The following GNAI3 variants were observed in gnomAD, a reference collection of about 807,000 sequenced individuals.
The protein encoded by GNAI3 is G protein subunit alpha i3.
GNAI3 carries 12 observed loss-of-function variants against 41.8 expected under a neutral mutation model. The ratio of observed to expected loss-of-function variants is 0.29; its 90% CI spans 0.18 to 0.47. The LOEUF (loss-of-function observed/expected upper bound fraction) is 0.47, where lower values mean the gene tolerates loss of function less well. Among genes scored for constraint, GNAI3 ranks in the 20% least tolerant of loss-of-function variants. GNAI3 has a pLI of 1.00. For synonymous variants in GNAI3, 132 were observed against 146.5 expected (o/e 0.90, Z 0.71); for missense variants, 360 against 429.6 (o/e 0.84, Z 1.43).
chr1:109,557,182 C>T (rs892656726), intron 1 of GNAI3, among the ~76,000 whole-genome samples: 1 of 152,142 alleles, frequency 6.6e-6, no homozygotes, highest in Admixed American at 6.5e-5. Flanking sequence ...GTGATCTACC[C>T]GCCTCGACCT....
chr1:109,550,157 G>T (rs1647944863), intron 1 of GNAI3, among the ~76,000 whole-genome samples: 1 of 152,206 alleles, frequency 6.6e-6, no homozygotes, highest in Admixed American at 6.5e-5. Flanking sequence ...TAAAGCTCCA[G>T]AGAACAGAAT....
chr1:109,561,658 G>A (rs796471159), intron 1 of GNAI3, among the ~76,000 whole-genome samples: 1 of 152,296 alleles, frequency 6.6e-6, no homozygotes, highest in African/African-American at 2.4e-5. Context: ...TTCAAGTAGG[G>A]AAGATATGCA....
chr1:109,571,398 A>G (rs949822589), intron 1 of GNAI3, among the ~76,000 whole-genome samples: 6 of 152,360 alleles, frequency 3.9e-5, no homozygotes, highest in African/African-American at 1.4e-4. Context: ...CAAACTGTGA[A>G]TGCAAATTTC....
chr1:109,561,568 C>T (rs191464725), intron 1 of GNAI3, among the ~76,000 whole-genome samples: 2 of 152,252 alleles, frequency 1.3e-5, no homozygotes, highest in East Asian at 3.9e-4. Flanking sequence ...CATTGTTGCA[C>T]TGTTCAGTGG....
At position 109,599,060 on chromosome 1, in the gene GNAI3, T is replaced by C. The variant is rs111351338; in HGVS notation, c.*6738T>C. 2,055 of 465,824 alleles carry C rather than the reference T, an allele frequency of 4.4e-3. 13 individuals are homozygous for C. Among genetic ancestry groups the C allele is most frequent in the Non-Finnish European group, 7.9e-3 (1,681 of 213,498 alleles). 28.9% of individuals were successfully genotyped at this position (465,824 alleles called of 1,614,324 possible). ...TGGGGATGGGAAGGAATACTCTGTTTTGGACTATTTGGAGGTACATGTGAG... is the reference window on the plus strand; with the variant it reads ...TGGGGATGGGAAGGAATACTCTGTTCTGGACTATTTGGAGGTACATGTGAG... On this transcript the variant is annotated 3_prime_UTR_variant, in exon 9 of 9. Coordinates refer to ENST00000369851, the MANE Select transcript of GNAI3 (RefSeq NM_006496.4).
chr1:109,565,523 G>A (rs966200448), intron 1 of GNAI3, among the ~76,000 whole-genome samples: 3 of 152,104 alleles, frequency 2.0e-5, no homozygotes, highest in African/African-American at 4.8e-5. Flanking sequence ...GAAATCTTCC[G>A]TTTCTGTTAA....
chr1:109,573,958 G>C lies in GNAI3; in HGVS notation c.224G>C (p.Ser75Thr). 6.2e-7 allele frequency: 1 copy of C among 1,606,184 alleles called. No individual in the cohort carries two copies. The highest frequency in any genetic ancestry group is 1.1e-5 in the South Asian group (1 of 90,878). ...ECKQYKVVVY[S>T]NTIQSIIAII... is the part of the protein sequence containing the mutation. The stretch of plus-strand genomic sequence containing the variant: ...AAACAATATAAAGTAGTTGTCTACA[G>C]CAATACTATACAGTCCATCATTGCA... Residue 75 changes from serine (S) to threonine (T), a missense_variant, in exon 3 of 9, where the codon AGC becomes ACC. By Grantham distance (58) the Ser-to-Thr change is moderately conservative (BLOSUM62 1). Coordinates refer to ENST00000369851, the MANE Select transcript of GNAI3 (RefSeq NM_006496.4).
intron 1 of GNAI3, among the ~76,000 whole-genome samples, chr1:109,561,875 A>T (rs897681058): frequency 2.0e-5 from 3 of 152,196 alleles, no homozygotes; most frequent in Non-Finnish European, 2.9e-5. Context: ...AAAGTTAGAT[A>T]GGAACTCTTA....
intron 7 of GNAI3, 123 bp from the exon 8 acceptor site, chr1:109,591,920 A>G (rs1428942848): frequency 5.7e-6 from 3 of 525,336 alleles, no homozygotes; most frequent in Non-Finnish European, 1.0e-5. Flanking sequence ...ATAGAAATAG[A>G]GAATTCTACT....
chr1:109,577,528 G>A (rs1366955433), intron 3 of GNAI3, among the ~76,000 whole-genome samples: 4 of 152,064 alleles, frequency 2.6e-5, no homozygotes, highest in African/African-American at 9.7e-5. Flanking sequence ...ACCCGCCTCG[G>A]CCTCCCAAAA....
intron 4 of GNAI3, among the ~76,000 whole-genome samples, chr1:109,579,608 T>C (rs1449757697): frequency 6.6e-6 from 1 of 152,230 alleles, no homozygotes; most frequent in African/African-American, 2.4e-5. Flanking sequence ...TGGCATTTTA[T>C]TATAAGCAAG....
Position 109,599,918 on chromosome 1 carries a change from T to C in GNAI3, c.*7596T>C, listed in dbSNP as rs2101118332. 1 of 152,290 alleles carries C rather than the reference T, an allele frequency of 6.6e-6. No individual in the cohort carries two copies. The highest frequency in any genetic ancestry group is 2.4e-5 in the African/African-American group (1 of 41,548). 9.4% of individuals were successfully genotyped at this position (152,290 alleles called of 1,614,324 possible). A position where few individuals can be genotyped will look rare whatever the true frequency, so the allele number is the denominator to read the frequency against. Reference sequence around the variant, plus strand: ...GCTGGACATCATCACAGGCTTTGGATTGAGAAGACCTGTTCTGGAGTTCTA... The same window carrying C: ...GCTGGACATCATCACAGGCTTTGGACTGAGAAGACCTGTTCTGGAGTTCTA... On this transcript the variant is annotated 3_prime_UTR_variant, in exon 9 of 9. Transcript: ENST00000369851.
chr1:109,548,970 G>A (rs1223484047), intron 1 of GNAI3, 132 bp downstream of exon 1: 1 of 634,088 alleles, frequency 1.6e-6, no homozygotes, highest in Non-Finnish European at 2.8e-6. Context: ...CGTGGGGCGG[G>A]GTGTTGGGGT....
At chr1:109,564,877 C>T (rs1648409108) in intron 1 of GNAI3, among the ~76,000 whole-genome samples, 1 of 152,116 alleles carries the variant, frequency 6.6e-6, no homozygotes, top group Non-Finnish European at 1.5e-5. Context: ...TTTTGGTAAT[C>T]GGTATGTGAT....
At chr1:109,574,812 T>C (rs867792036) in intron 3 of GNAI3, among the ~76,000 whole-genome samples, 7 of 152,332 alleles carry the variant, frequency 4.6e-5, no homozygotes, top group Admixed American at 1.3e-4. Flanking sequence ...CAGAGTGTCA[T>C]ACTTATGTGC....
At chr1:109,550,875 G>T (rs535273653) in intron 1 of GNAI3, among the ~76,000 whole-genome samples, 1 of 152,300 alleles carries the variant, frequency 6.6e-6, no homozygotes, top group East Asian at 1.9e-4. Flanking sequence ...AAGTAAAGAT[G>T]TATTCTCATC....
rs1268047162 is a variant in GNAI3 at position 109,595,474 on chromosome 1, A to T, written c.*3152A>T. 3 of 152,180 alleles carry T rather than the reference A, an allele frequency of 2.0e-5. No homozygotes were observed. The highest frequency in any genetic ancestry group is 4.8e-5 in the African/African-American group (2 of 41,438). The allele number at this position is 152,180 out of a possible 1,614,324, so 9.4% of individuals were successfully genotyped here. ...ACAATGTAAGACTAGATGGACCAAAATTTTAAAAAAAACTTCTTGCCTTGT... is the reference window on the plus strand; with the variant it reads ...ACAATGTAAGACTAGATGGACCAAATTTTTAAAAAAAACTTCTTGCCTTGT... On this transcript the variant is annotated 3_prime_UTR_variant, in exon 9 of 9. Transcript: ENST00000369851.
chr1:109,565,880 A>T (rs1235229854), intron 1 of GNAI3, among the ~76,000 whole-genome samples: 1 of 152,206 alleles, frequency 6.6e-6, no homozygotes, highest in Non-Finnish European at 1.5e-5. Flanking sequence ...TTACATAGAT[A>T]TGGAAGGGTT....
intron 1 of GNAI3, among the ~76,000 whole-genome samples, chr1:109,557,877 C>T (rs1648201869): frequency 6.6e-6 from 1 of 152,010 alleles, no homozygotes; most frequent in South Asian, 2.1e-4. Context: ...TATAAGGTGA[C>T]CCTTTCAAGG....
Sources: gnomAD v4.1 joint callset for allele counts (sites outside exome capture counted in the v4.1 genomes callset) on GRCh38, gnomAD v4.1.1 for gene constraint, MANE v1.5 for transcripts, NCBI Gene and HGNC (gene_info 2026-07-23, HGNC 2026-07-21) for gene names.